ZNF846: variants seen among roughly 807,000 people sequenced by gnomAD.
ZNF846 encodes zinc finger protein 420 pseudogene.
ZNF846 carries 15 observed loss-of-function variants against 16.0 expected under a neutral mutation model. That is an observed-to-expected ratio of 0.94 (90% CI 0.63 to 1.45). ZNF846 has a LOEUF of 1.45. Among genes scored for constraint, ZNF846 ranks in the 40% most tolerant of loss-of-function variants. The probability of loss-of-function intolerance (pLI) is 0.00; values close to 1 mark genes in which losing one functional copy is unlikely to be tolerated. For synonymous variants in ZNF846, 229 were observed against 212.0 expected, an observed-to-expected ratio of 1.08 and a Z score of -0.70; for missense variants, 714 against 622.3, an observed-to-expected ratio of 1.15 and a Z score of -1.57.
At chr19:9,774,737 G>A (rs1222017883) in intron 1 of ZNF846, 8 of 1,554,028 alleles carry the variant, frequency 5.1e-6, no homozygotes, top group Middle Eastern at 1.8e-4. Context: ...AAATATCGAC[G>A]AAAAGGGGCA....
intron 1 of ZNF846, among the ~76,000 whole-genome samples, chr19:9,776,132 G>T (rs557092531): frequency 1.9e-3 from 290 of 152,328 alleles, no homozygotes; most frequent in African/African-American, 6.7e-3. Context: ...GTGGACCATG[G>T]TCTAGCGGTA....
At chr19:9,752,309 T>C (rs1445533698) in exon 6 of ZNF846, 3 of 188,492 alleles carry the variant, frequency 1.6e-5, no homozygotes, top group Admixed American at 5.5e-5. Context: ...ATATACCTTT[T>C]AGAAACAGTA....
At chr19:9,751,333 C>T (rs1170366929), downstream of ZNF846, among the ~76,000 whole-genome samples, 1 of 152,142 alleles carries the variant, frequency 6.6e-6, no homozygotes, top group African/African-American at 2.4e-5. Flanking sequence ...CATCACTCCT[C>T]CATACAGCCC....
exon 2 of ZNF846, chr19:9,765,015 A>G (rs2045292096): frequency 2.5e-6 from 4 of 1,580,160 alleles, no homozygotes; most frequent in Non-Finnish European, 3.5e-6. Flanking sequence ...TGAAGACAGA[A>G]AGTGTCCTGG....
At chr19:9,756,376 T>TATATATAA (rs2045137062), downstream of ZNF846, 1 of 134,864 alleles carries the variant, frequency 7.4e-6, no homozygotes, top group African/African-American at 3.0e-5. Context: ...TATATATATA[T>TATATATAA]ATATATATAA....
chr19:9,767,167 C>CT (rs2045329880), intron 1 of ZNF846, among the ~76,000 whole-genome samples: 1 of 151,566 alleles, frequency 6.6e-6, no homozygotes, highest in African/African-American at 2.4e-5. Context: ...CGGTGTTTTG[C>CT]TCTTGTTGCC....
At chr19:9,768,114 A>G (rs1454777326) in intron 1 of ZNF846, among the ~76,000 whole-genome samples, 175 bp downstream of exon 1, 1 of 152,212 alleles carries the variant, frequency 6.6e-6, no homozygotes, top group African/African-American at 2.4e-5. Flanking sequence ...TTTGATCTCA[A>G]AAACACAGCG....
At chr19:9,752,496 T>A, downstream of ZNF846, 1 of 343,032 alleles carries the variant, frequency 2.9e-6, no homozygotes, top group Non-Finnish European at 5.9e-6. Flanking sequence ...ATGCCTGTGA[T>A]CCCAGCTACT....
intron 1 of ZNF846, among the ~76,000 whole-genome samples, chr19:9,784,120 G>C (rs1381698198): frequency 1.3e-5 from 2 of 149,768 alleles, no homozygotes; most frequent in African/African-American, 5.1e-5. Context: ...GTGGAGACAA[G>C]AGACTGAGAA....
intron 1 of ZNF846, 95 bp downstream of exon 1, chr19:9,768,194 A>G (rs2045347452): frequency 1.3e-5 from 2 of 152,176 alleles, no homozygotes; most frequent in African/African-American, 4.8e-5. Flanking sequence ...CAACTCCTGC[A>G]CACTTGACAA....
chr19:9,761,077 T>C (rs948175702), intron 4 of ZNF846, among the ~76,000 whole-genome samples: 5 of 148,514 alleles, frequency 3.4e-5, no homozygotes, highest in African/African-American at 1.3e-4. Flanking sequence ...CGCACGCCTG[T>C]AGTCCCAACT....
exon 6 of ZNF846, chr19:9,758,518 T>C: frequency 6.2e-7 from 1 of 1,613,536 alleles, no homozygotes; most frequent in Non-Finnish European, 8.5e-7. Context: ...TTATTCTGCC[T>C]AGTAAGATTT....
upstream of ZNF846, among the ~76,000 whole-genome samples, chr19:9,773,351 C>T (rs532423118): frequency 2.0e-5 from 3 of 152,192 alleles, no homozygotes; most frequent in Admixed American, 6.5e-5. Flanking sequence ...GATATCAGCA[C>T]TCCAGAAAAA....
At chr19:9,770,032 T>C (rs1039660465), upstream of ZNF846, among the ~76,000 whole-genome samples, 10 of 151,898 alleles carry the variant, frequency 6.6e-5, no homozygotes, top group African/African-American at 2.2e-4. Flanking sequence ...GCTCTGTGCC[T>C]CTGATACATT....
exon 6 of ZNF846, chr19:9,758,329 C>T: frequency 6.2e-7 from 1 of 1,613,548 alleles, no homozygotes; most frequent in Non-Finnish European, 8.5e-7. Flanking sequence ...GGCTTCTCTC[C>T]ACTGTGAATT....
chr19:9,753,202 G>A (rs1347678159), downstream of ZNF846, among the ~76,000 whole-genome samples: 3 of 150,548 alleles, frequency 2.0e-5, no homozygotes, highest in African/African-American at 5.0e-5. Flanking sequence ...GTCAACATAC[G>A]CAAGTTGAGG....
intron 1 of ZNF846, among the ~76,000 whole-genome samples, chr19:9,778,252 C>T (rs180692249): frequency 6.6e-6 from 1 of 152,054 alleles, no homozygotes; most frequent in African/African-American, 2.4e-5. Context: ...AAAAAGAAAC[C>T]AAGAAGAAAT....
chr19:9,785,751 C>T (rs918005933), intron 1 of ZNF846, among the ~76,000 whole-genome samples: 2 of 71,090 alleles, frequency 2.8e-5, no homozygotes, highest in Non-Finnish European at 6.0e-5. Context: ...AGTCCCCGCC[C>T]CCATCTCTCC....
At chr19:9,758,041 C>A in exon 6 of ZNF846, 1 of 1,613,438 alleles carries the variant, frequency 6.2e-7, no homozygotes, top group Non-Finnish European at 8.5e-7. Context: ...TGAATAAAAG[C>A]TTTTCCACAC....
Sources: allele counts gnomAD v4.1 joint callset (sites outside exome capture counted in the v4.1 genomes callset), GRCh38; gene constraint gnomAD v4.1.1; transcripts MANE v1.5; gene names NCBI Gene and HGNC (gene_info 2026-07-23, HGNC 2026-07-21).